WWOX: variants seen among roughly 807,000 people sequenced by gnomAD.
WWOX encodes WW domain containing oxidoreductase, also known as WW domain-containing oxidoreductase.
WWOX carries 69 observed loss-of-function variants against 46.2 expected under a neutral mutation model. That is an observed-to-expected ratio of 1.49 (90% CI 1.23 to 1.82). WWOX has a LOEUF of 1.82. Ranked by LOEUF, WWOX falls within the 40% of genes most tolerant of loss-of-function variation. WWOX has a pLI of 0.00. For missense variants in WWOX, 919 were observed against 542.6 expected, an observed-to-expected ratio of 1.69 and a Z score of -6.89; for synonymous variants, 359 against 202.6, an observed-to-expected ratio of 1.77 and a Z score of -6.56.
intron 8 of WWOX, among the ~76,000 whole-genome samples, chr16:79,040,203 T>A (rs779175905): frequency 3.3e-5 from 5 of 151,946 alleles, no homozygotes; most frequent in Non-Finnish European, 7.4e-5. Context: ...TGGTATGACC[T>A]CCAAGTTCTT....
intron 8 of WWOX, among the ~76,000 whole-genome samples, chr16:78,480,414 T>A (rs1224818262): frequency 6.6e-6 from 1 of 152,214 alleles, no homozygotes; most frequent in East Asian, 1.9e-4. Flanking sequence ...CTCAACACAT[T>A]TATTGGGTGG....
chr16:78,453,377 C>T (rs1349895575), intron 8 of WWOX, among the ~76,000 whole-genome samples: 1 of 150,734 alleles, frequency 6.6e-6, no homozygotes, highest in African/African-American at 2.4e-5. Context: ...GAGTGGAGAT[C>T]ACGCCACAGC....
At chr16:78,583,941 A>G (rs1447316340) in intron 8 of WWOX, among the ~76,000 whole-genome samples, 1 of 152,242 alleles carries the variant, frequency 6.6e-6, no homozygotes, top group Non-Finnish European at 1.5e-5. Flanking sequence ...ACATTGCTGA[A>G]GGTCCCCAGC....
intron 8 of WWOX, among the ~76,000 whole-genome samples, chr16:78,578,376 G>A (rs1251317478): frequency 7.3e-5 from 10 of 136,510 alleles, no homozygotes; most frequent in Admixed American, 2.3e-4. Context: ...TGCAAGCTCC[G>A]CCTCCCGGGT....
At chr16:78,154,755 C>T (rs2034540255) in intron 4 of WWOX, among the ~76,000 whole-genome samples, 1 of 152,062 alleles carries the variant, frequency 6.6e-6, no homozygotes, top group Middle Eastern at 3.2e-3. Context: ...TCACACTTGA[C>T]ATAGTAGGGT....
At chr16:79,175,238 G>T (rs367962103) in intron 8 of WWOX, among the ~76,000 whole-genome samples, 21 of 152,206 alleles carry the variant, frequency 1.4e-4, no homozygotes, top group African/African-American at 3.9e-4. Context: ...TTGCTGAAGT[G>T]CTTCTCAGTG....
At chr16:78,129,114 C>G (rs878973258) in intron 4 of WWOX, among the ~76,000 whole-genome samples, 1 of 151,968 alleles carries the variant, frequency 6.6e-6, no homozygotes, top group Admixed American at 6.5e-5. Flanking sequence ...TGGGAGCTGT[C>G]AGCCTGTGTG....
At chr16:78,573,110 C>A (rs956008165) in intron 8 of WWOX, among the ~76,000 whole-genome samples, 2 of 151,818 alleles carry the variant, frequency 1.3e-5, no homozygotes, top group African/African-American at 4.8e-5. Flanking sequence ...ATGATGAAAC[C>A]CCGTCTGTAC....
At chr16:78,869,355 C>T (rs182910100) in intron 8 of WWOX, among the ~76,000 whole-genome samples, 1 of 152,108 alleles carries the variant, frequency 6.6e-6, no homozygotes, top group Non-Finnish European at 1.5e-5. Context: ...TTCCAAGCAT[C>T]CAGACTGCAA....
At chr16:78,538,234 A>G (rs1355390258) in intron 8 of WWOX, among the ~76,000 whole-genome samples, 3 of 150,992 alleles carry the variant, frequency 2.0e-5, no homozygotes, top group Non-Finnish European at 4.4e-5. Context: ...AAAAAAAAAA[A>G]AAAAAAAAAA....
chr16:78,793,955 G>A (rs1010383538), intron 8 of WWOX, among the ~76,000 whole-genome samples: 1 of 152,248 alleles, frequency 6.6e-6, no homozygotes, highest in Non-Finnish European at 1.5e-5. Context: ...TGTAGGGCAG[G>A]TAGGGCTCAG....
intron 8 of WWOX, among the ~76,000 whole-genome samples, chr16:78,704,785 A>G (rs1278106505): frequency 6.6e-6 from 1 of 152,190 alleles, no homozygotes; most frequent in Non-Finnish European, 1.5e-5. Context: ...TTCAGGCAAG[A>G]CAGCCAGCAT....
intron 8 of WWOX, among the ~76,000 whole-genome samples, chr16:78,882,588 C>G (rs941256172): frequency 6.6e-6 from 1 of 150,896 alleles, no homozygotes; most frequent in Non-Finnish European, 1.5e-5. Flanking sequence ...GTGATCCTCT[C>G]TCCTCGCCTC....
chr16:78,748,577 A>G (rs769629003), intron 8 of WWOX, among the ~76,000 whole-genome samples: 1 of 152,136 alleles, frequency 6.6e-6, no homozygotes, highest in African/African-American at 2.4e-5. Flanking sequence ...TCTGATTACA[A>G]TACGTCCGTG....
chr16:78,661,024 G>T (rs1005188883), intron 8 of WWOX, among the ~76,000 whole-genome samples: 2 of 152,072 alleles, frequency 1.3e-5, no homozygotes, highest in Admixed American at 6.6e-5. Context: ...TATTACACAT[G>T]ACTTAGTAAT....
intron 8 of WWOX, among the ~76,000 whole-genome samples, chr16:79,154,680 A>G (rs1228810036): frequency 6.6e-6 from 1 of 152,212 alleles, no homozygotes; most frequent in Non-Finnish European, 1.5e-5. Context: ...TAAAACAACC[A>G]CGTTTGGTAA....
chr16:78,796,315 C>A (rs922425586), intron 8 of WWOX, among the ~76,000 whole-genome samples: 2 of 152,340 alleles, frequency 1.3e-5, no homozygotes, highest in African/African-American at 4.8e-5. Flanking sequence ...GCCTCCAAAT[C>A]CTCTGCTGGA....
chr16:78,798,682 G>A (rs1246680335), intron 8 of WWOX, among the ~76,000 whole-genome samples: 1 of 151,114 alleles, frequency 6.6e-6, no homozygotes, highest in Admixed American at 6.6e-5. Flanking sequence ...CCATCTCAGG[G>A]GTAAATAAAT....
chr16:79,208,151 C>G (rs1043008265), intron 8 of WWOX, among the ~76,000 whole-genome samples: 1 of 152,142 alleles, frequency 6.6e-6, no homozygotes, highest in Non-Finnish European at 1.5e-5. Flanking sequence ...TTTACATATA[C>G]TCTCAAGATT....
Sources: gnomAD v4.1 joint callset for allele counts (sites outside exome capture counted in the v4.1 genomes callset) on GRCh38, gnomAD v4.1.1 for gene constraint, MANE v1.5 for transcripts, NCBI Gene and HGNC (gene_info 2026-07-23, HGNC 2026-07-21) for gene names.